MYOF: variants seen among roughly 807,000 people sequenced by gnomAD.
The protein encoded by MYOF is fer-1-like 3, myoferlin.
MYOF carries 244 observed loss-of-function variants against 284.2 expected under a neutral mutation model. That is an observed-to-expected ratio of 0.86 (90% CI 0.77 to 0.95). The LOEUF is 0.95. MYOF is among the 40% of genes least tolerant of loss of function. The pLI is 0.00. For missense variants in MYOF, 2,496 were observed against 2,560.6 expected (o/e 0.97, Z 0.54); for synonymous variants, 904 against 919.7 (o/e 0.98, Z 0.31).
intron 28 of MYOF, among the ~76,000 whole-genome samples, chr10:93,360,201 C>T (rs1027543411): frequency 1.3e-5 from 2 of 152,192 alleles, no homozygotes; most frequent in South Asian, 4.1e-4. Context: ...CATGTTCTCC[C>T]CTACTTTTAT....
In MYOF at chr10:93,453,272, T is replaced by A. The variant is rs532812163; in HGVS notation, c.145-1131A>T. On this transcript the variant is annotated intron_variant, in intron 2 of 53. Coordinates refer to ENST00000359263, the MANE Select transcript of MYOF (RefSeq NM_013451.4). ...CCTCCACTTCCCGGGTTCAAGCAAT[T>A]CTCCTGTCTCAGCCTCCCGAATAGC... Among the ~76,000 whole-genome samples, 70 of 152,178 alleles carry A rather than the reference T, an allele frequency of 4.6e-4. 1 individual carries two copies. Among genetic ancestry groups the A allele is most frequent in the Middle Eastern group, 3.4e-3 (1 of 294 alleles).
intron 39 of MYOF, chr10:93,338,527 G>A: frequency 2.2e-6 from 1 of 456,626 alleles, no homozygotes; most frequent in South Asian, 1.5e-5. Flanking sequence ...TCATCTACCT[G>A]CCTCCATGTA....
intron 1 of MYOF, among the ~76,000 whole-genome samples, chr10:93,472,524 A>G (rs954616610): frequency 3.3e-5 from 5 of 152,118 alleles, no homozygotes; most frequent in Non-Finnish European, 7.3e-5. Context: ...CTGTAATCCC[A>G]GCTACTTGGG....
At chr10:93,423,105 G>C (rs1010539377) in intron 5 of MYOF, among the ~76,000 whole-genome samples, 18 of 152,174 alleles carry the variant, frequency 1.2e-4, no homozygotes, top group Admixed American at 6.5e-4. Flanking sequence ...TTTCTGTACA[G>C]TTAAGATAAG....
rs949271303 is a variant in MYOF, at chr10:93,402,887, C to T, written c.847G>A (p.Asp283Asn). Reference protein sequence around the residue: ...ADCLMGEFKIDVGFVYDEPGH... With the variant: ...ADCLMGEFKINVGFVYDEPGH... ...GGTTCATCATAAACAAATCCAACAT[C>T]AATCTGGGAAAACAATAATCGAAAG... Residue 283 changes from aspartate to asparagine, a missense_variant, in exon 10 of 54, where the codon GAT (aspartate) becomes AAT (asparagine). Asp to Asn is a conservative substitution (Grantham distance 23, BLOSUM62 1). This residue lies in a region of MYOF where 2,436 missense variants were observed against 2,480.7 expected (regional missense o/e 0.98). Coordinates refer to ENST00000359263, the MANE Select transcript of MYOF (RefSeq NM_013451.4). The T allele has an allele frequency of 6.2e-7, 1 of 1,611,714 alleles. No homozygotes were observed. Among genetic ancestry groups the T allele is most frequent in the Non-Finnish European group, 8.5e-7 (1 of 1,178,070 alleles).
intron 16 of MYOF, among the ~76,000 whole-genome samples, chr10:93,395,483 A>AT (rs1846957328): frequency 6.6e-6 from 1 of 152,032 alleles, no homozygotes; most frequent in Non-Finnish European, 1.5e-5. Flanking sequence ...GTTAACATTA[A>AT]TTTTTTCTCT....
intron 50 of MYOF, among the ~76,000 whole-genome samples, chr10:93,316,155 G>T (rs1001215609): frequency 6.6e-6 from 1 of 151,944 alleles, no homozygotes. Context: ...AGAGTGGGAT[G>T]CAGAAACAGA....
chr10:93,455,693 T>C (rs2985073), intron 2 of MYOF, among the ~76,000 whole-genome samples: 108,278 of 151,984 alleles, frequency 0.71, 38,958 homozygotes, highest in East Asian at 0.77. Flanking sequence ...ACCCAGAAGG[T>C]TCTAGTCTTT....
At chr10:93,446,587 C>G (rs1313157661) in intron 3 of MYOF, among the ~76,000 whole-genome samples, 1 of 149,504 alleles carries the variant, frequency 6.7e-6, no homozygotes, top group Non-Finnish European at 1.5e-5. Flanking sequence ...GGGTGCCCAG[C>G]AAATGTCAGG....
Position 93,355,672 on chromosome 10 carries a change from G to A in MYOF, c.3359C>T (p.Thr1120Ile). 6.2e-7 allele frequency: 1 copy of A among 1,613,440 alleles called. No homozygotes were observed. Among genetic ancestry groups the A allele is most frequent in the Non-Finnish European group, 8.5e-7 (1 of 1,179,526 alleles). The change falls in exon 31 of 54, where the codon ACT becomes ATT. Residue 1120 changes from threonine to isoleucine, a missense_variant. Thr to Ile is a moderately conservative substitution (Grantham distance 89, BLOSUM62 -1). Coordinates refer to ENST00000359263, the MANE Select transcript of MYOF (RefSeq NM_013451.4). ...AATGGGGGTGTTTGCTCCGAACACA[G>A]TGGTGGCACTGTGCTTCTGTTTCTC... Reference protein sequence around the residue: ...SLEKQKHSATTVFGANTPIVS... With the variant: ...SLEKQKHSATIVFGANTPIVS...
At chr10:93,345,802 C>A (rs1415454309) in intron 37 of MYOF, among the ~76,000 whole-genome samples, 8 of 152,168 alleles carry the variant, frequency 5.3e-5, no homozygotes, top group Non-Finnish European at 1.2e-4. Context: ...TATGAAAGGA[C>A]CAGATTTTCC....
At chr10:93,468,372 C>T (rs1459804574) in intron 1 of MYOF, among the ~76,000 whole-genome samples, 1 of 152,192 alleles carries the variant, frequency 6.6e-6, no homozygotes, top group African/African-American at 2.4e-5. Flanking sequence ...GGTAGAATTG[C>T]AGCAAGGATC....
chr10:93,347,570 A>AAAAAAAATAAT lies in MYOF; in HGVS notation c.4249+46_4249+47insATTATTTTTTT, dbSNP rs1554842553. The AAAAAAAATAAT allele has an allele frequency of 1.0e-5, 15 of 1,461,338 alleles. No homozygotes were observed. In the East Asian group the frequency reaches 3.3e-4, roughly 32 times the overall value. 90.5% of individuals were successfully genotyped at this position (1,461,338 alleles called of 1,614,324 possible). On this transcript the variant is annotated intron_variant, in intron 37 of 53. Coordinates refer to ENST00000359263, the MANE Select transcript of MYOF (RefSeq NM_013451.4). ...CGAGACTCCGTCTCAAAAAAAAAAA[A>AAAAAAAATAAT]AAAAAAAAGAAAAGCCCCCAGACTT... is the stretch of plus-strand genomic sequence containing the variant.
intron 27 of MYOF, among the ~76,000 whole-genome samples, chr10:93,362,348 G>A (rs1351270982): frequency 6.6e-6 from 1 of 151,918 alleles, no homozygotes; most frequent in East Asian, 1.9e-4. Context: ...AGGTTCAAGC[G>A]ATTCTCCTGC....
chr10:93,323,673 C>T (rs1189260780), intron 46 of MYOF: 5 of 341,890 alleles, frequency 1.5e-5, no homozygotes, highest in African/African-American at 1.0e-4. Context: ...CCAACATACA[C>T]ATCCCACAGG....
At chr10:93,377,298 T>G in intron 22 of MYOF, 25 bp downstream of exon 22, 105 of 1,522,664 alleles carry the variant, frequency 6.9e-5, no homozygotes, top group Non-Finnish European at 9.2e-5. Context: ...ATGAAAATTC[T>G]GAGATAGGCG....
chr10:93,353,549 G>A (rs1345206378), intron 32 of MYOF, among the ~76,000 whole-genome samples: 6 of 151,900 alleles, frequency 3.9e-5, no homozygotes, highest in Non-Finnish European at 7.4e-5. Flanking sequence ...TCACTTTCTC[G>A]GTGCTTCTTA....
chr10:93,456,400 A>C (rs1486456035), intron 2 of MYOF, among the ~76,000 whole-genome samples: 1 of 152,236 alleles, frequency 6.6e-6, no homozygotes, highest in Admixed American at 6.5e-5. Flanking sequence ...CACATGAAGC[A>C]TACTGGACAT....
intron 5 of MYOF, among the ~76,000 whole-genome samples, chr10:93,409,988 C>A (rs972836832): frequency 2.0e-5 from 3 of 152,182 alleles, no homozygotes; most frequent in Admixed American, 1.3e-4. Context: ...AAGAGAATGG[C>A]AGAGATCACA....
Sources: gnomAD v4.1 joint callset for allele counts (sites outside exome capture counted in the v4.1 genomes callset) on GRCh38, gnomAD v4.1.1 for gene constraint, gnomAD v4.1.1 regional missense constraint, MANE v1.5 for transcripts, NCBI Gene and HGNC (gene_info 2026-07-23, HGNC 2026-07-21) for gene names.